Variants in BACH2 observed in about 807,000 individuals in gnomAD.
BACH2 encodes the protein transcription regulator protein BACH2.
A neutral mutation model predicts 61.8 loss-of-function variants in BACH2; 5 were observed. The ratio of observed to expected loss-of-function variants is 0.08; its 90% CI spans 0.04 to 0.17. The LOEUF is 0.17. Among genes scored for constraint, BACH2 ranks in the 10% least tolerant of loss-of-function variants. The pLI, the probability that BACH2 is intolerant of heterozygous loss-of-function variation, is 1.00. For synonymous variants in BACH2, 446 were observed against 440.1 expected (o/e 1.01, Z -0.17); for missense variants, 824 against 1,091.1 (o/e 0.76, Z 3.45).
intron 5 of BACH2, among the ~76,000 whole-genome samples, chr6:90,058,838 A>G (rs1290125881): frequency 6.6e-6 from 1 of 152,230 alleles, no homozygotes; most frequent in Non-Finnish European, 1.5e-5. Flanking sequence ...CAACTATCTG[A>G]TCTTTGACAA....
Position 89,950,202 on chromosome 6 carries a change from G to C in BACH2, c.1836+68C>G. 6.5e-7 allele frequency: 1 copy of C among 1,545,828 alleles called. No homozygotes were observed. On this transcript the variant is annotated intron_variant, in intron 7 of 8. Coordinates refer to ENST00000257749, the MANE Select transcript of BACH2 (RefSeq NM_021813.4). The surrounding 1 kb of genome is among the most constrained non-coding windows in gnomAD (Gnocchi z 5.3). ...AAGAACAATGTGGGAGTGGTGGGGGGCAGGGAGTAGTCCAGATAAAGGGCC... is the reference window on the plus strand; with the variant it reads ...AAGAACAATGTGGGAGTGGTGGGGGCCAGGGAGTAGTCCAGATAAAGGGCC...
At chr6:90,136,833 C>CT (rs1471109350) in intron 4 of BACH2, among the ~76,000 whole-genome samples, 1 of 151,116 alleles carries the variant, frequency 6.6e-6, no homozygotes, top group Non-Finnish European at 1.5e-5. Flanking sequence ...TGCTATTTTT[C>CT]TTTTCTTTCT....
chr6:90,148,366 T>C (rs975595314), intron 4 of BACH2, among the ~76,000 whole-genome samples: 1 of 152,202 alleles, frequency 6.6e-6, no homozygotes, highest in Non-Finnish European at 1.5e-5. Flanking sequence ...TATGACAATA[T>C]TGTACCAAAC....
intron 5 of BACH2, among the ~76,000 whole-genome samples, chr6:90,042,523 C>T (rs918045429): frequency 2.0e-5 from 3 of 152,128 alleles, no homozygotes; most frequent in African/African-American, 7.2e-5. Flanking sequence ...TGCTGCCATT[C>T]ATGGTGTATT....
chr6:89,970,455 C>A (rs1038570765), intron 6 of BACH2, among the ~76,000 whole-genome samples: 2 of 152,160 alleles, frequency 1.3e-5, no homozygotes, highest in African/African-American at 4.8e-5. Flanking sequence ...AGGTAATTAG[C>A]ACTATTAACA....
chr6:90,046,758 T>A (rs895781944), intron 5 of BACH2, among the ~76,000 whole-genome samples: 2 of 151,960 alleles, frequency 1.3e-5, no homozygotes, highest in African/African-American at 2.4e-5. Flanking sequence ...AGTTCAAGTT[T>A]ACGAGCATTC....
At chr6:90,123,917 G>A (rs907703286) in intron 4 of BACH2, among the ~76,000 whole-genome samples, 1 of 151,216 alleles carries the variant, frequency 6.6e-6, no homozygotes, top group East Asian at 1.9e-4. Context: ...GGGAGGGTGC[G>A]ACTCTCCTCC....
intron 8 of BACH2, among the ~76,000 whole-genome samples, chr6:89,936,435 C>T (rs751819213): frequency 2.0e-5 from 3 of 152,152 alleles, no homozygotes; most frequent in Non-Finnish European, 4.4e-5. Flanking sequence ...AGCCATGGTG[C>T]CCAGCCATGA....
intron 5 of BACH2, among the ~76,000 whole-genome samples, chr6:90,059,703 T>C (rs909175447): frequency 2.6e-5 from 4 of 151,892 alleles, no homozygotes; most frequent in South Asian, 4.2e-4. Context: ...CTATTCACAA[T>C]AGCAAAGACT....
intron 1 of BACH2, among the ~76,000 whole-genome samples, chr6:90,284,484 C>T (rs193234579): frequency 1.0e-3 from 159 of 152,272 alleles, no homozygotes; most frequent in African/African-American, 3.5e-3. Flanking sequence ...GTAGGAGGGA[C>T]GCAGCTCAGT....
chr6:90,220,271 T>A (rs1357171202), intron 3 of BACH2, among the ~76,000 whole-genome samples: 1 of 152,242 alleles, frequency 6.6e-6, no homozygotes, highest in Admixed American at 6.5e-5. Flanking sequence ...TCACTTTTCT[T>A]CCTGTCCCCC....
chr6:90,202,032 A>C (rs2127847970), intron 4 of BACH2, among the ~76,000 whole-genome samples: 1 of 152,360 alleles, frequency 6.6e-6, no homozygotes, highest in South Asian at 2.1e-4. Flanking sequence ...TTTATGTTAA[A>C]ATATTAAACC....
intron 4 of BACH2, among the ~76,000 whole-genome samples, chr6:90,176,595 G>A (rs529302496): frequency 6.6e-6 from 1 of 152,184 alleles, no homozygotes; most frequent in South Asian, 2.1e-4. Context: ...AGGGATGTAG[G>A]GGCAGAAAAG....
intron 4 of BACH2, among the ~76,000 whole-genome samples, chr6:90,197,466 T>G (rs1768798784): frequency 1.3e-5 from 2 of 152,226 alleles, no homozygotes; most frequent in South Asian, 4.1e-4. Context: ...TAGAATTCTC[T>G]TAATTGTATC....
intron 4 of BACH2, among the ~76,000 whole-genome samples, chr6:90,198,463 A>G (rs913225481): frequency 6.6e-6 from 1 of 152,214 alleles, no homozygotes; most frequent in Non-Finnish European, 1.5e-5. Flanking sequence ...ATTATATTAC[A>G]GTCATGTCAA....
At chr6:90,208,870 G>C (rs542669897) in intron 3 of BACH2, among the ~76,000 whole-genome samples, 1 of 152,190 alleles carries the variant, frequency 6.6e-6, no homozygotes, top group Non-Finnish European at 1.5e-5. Flanking sequence ...ATGCTATGCA[G>C]CCATAAAAAA....
intron 5 of BACH2, among the ~76,000 whole-genome samples, chr6:90,075,758 A>C (rs116554297): frequency 8.0e-4 from 122 of 152,240 alleles, no homozygotes; most frequent in Middle Eastern, 3.4e-3. Context: ...GGTTTCTTTC[A>C]CCAAGGACAA....
chr6:90,077,190 C>T (rs73497196), intron 5 of BACH2, among the ~76,000 whole-genome samples: 6,273 of 152,166 alleles, frequency 0.041, 346 homozygotes, highest in East Asian at 0.13. Context: ...CTTATGAAAG[C>T]GTGGGAGGGA....
chr6:90,092,504 G>A, intron 4 of BACH2, among the ~76,000 whole-genome samples: 1 of 151,792 alleles, frequency 6.6e-6, no homozygotes, highest in East Asian at 1.9e-4. Context: ...CAGTAGCTTT[G>A]TTATGCTGGG....
Sources: gnomAD v4.1 joint callset for allele counts (sites outside exome capture counted in the v4.1 genomes callset) on GRCh38, gnomAD v4.1.1 for gene constraint, Gnocchi (gnomAD v3.1) non-coding constraint, MANE v1.5 for transcripts, NCBI Gene and HGNC (gene_info 2026-07-23, HGNC 2026-07-21) for gene names.